The following CEP72 variants were observed in gnomAD, a reference collection of about 807,000 sequenced individuals.
The protein encoded by CEP72 is centrosomal protein of 72 kDa.
CEP72 carries 78 observed loss-of-function variants against 65.7 expected under a neutral mutation model. The observed-to-expected ratio is 1.19, with a 90% CI of 0.99 to 1.43. CEP72 has a LOEUF of 1.43. Ranked by LOEUF, CEP72 falls within the 40% of genes most tolerant of loss-of-function variation. The pLI, the probability that CEP72 is intolerant of heterozygous loss-of-function variation, is 0.00. For missense variants in CEP72, 914 were observed against 832.9 expected, an observed-to-expected ratio of 1.10 and a Z score of -1.20; for synonymous variants, 358 against 351.7, an observed-to-expected ratio of 1.02 and a Z score of -0.20.
intron 1 of CEP72, among the ~76,000 whole-genome samples, chr5:614,474 A>C (rs1180412099): frequency 9.1e-6 from 1 of 109,820 alleles, no homozygotes; most frequent in Non-Finnish European, 1.7e-5. Flanking sequence ...TTTGAGGTGG[A>C]GTCTCGCTCT....
intron 4 of CEP72, among the ~76,000 whole-genome samples, chr5:633,210 C>T (rs1283054349): frequency 1.0e-5 from 1 of 99,394 alleles, no homozygotes; most frequent in African/African-American, 5.1e-5. Context: ...TTAGACCAGT[C>T]CTGGTGGGGT....
chr5:637,368 G>T, intron 6 of CEP72, 149 bp from the exon 7 acceptor site: 1 of 673,464 alleles, frequency 1.5e-6, no homozygotes, highest in Non-Finnish European at 2.6e-6. Context: ...GTATGCACGT[G>T]GATAGGTGTG....
chr5:655,091 G>C (rs142940033), downstream of CEP72, among the ~76,000 whole-genome samples: 1 of 152,166 alleles, frequency 6.6e-6, no homozygotes, highest in East Asian at 1.9e-4. The surrounding 1 kb of genome is among the most constrained non-coding windows in gnomAD (Gnocchi z 5.0). Flanking sequence ...GCTAGGCGGG[G>C]TGGCTCACAC....
chr5:646,530 C>T (rs1286220653), intron 10 of CEP72, among the ~76,000 whole-genome samples: 1 of 152,120 alleles, frequency 6.6e-6, no homozygotes, highest in Non-Finnish European at 1.5e-5. Flanking sequence ...AGGCCCTGTT[C>T]TCTCCTCCAC....
intron 4 of CEP72, among the ~76,000 whole-genome samples, chr5:666,491 C>T (rs1739920919): frequency 6.6e-6 from 1 of 152,206 alleles, no homozygotes; most frequent in Non-Finnish European, 1.5e-5. Context: ...CTGCTGGGGC[C>T]CCGGCTCTGC....
chr5:668,645 CT>C (rs1468343416), downstream of CEP72, among the ~76,000 whole-genome samples: 1 of 152,270 alleles, frequency 6.6e-6, no homozygotes, highest in African/African-American at 2.4e-5. Flanking sequence ...TGGACAGCTT[CT>C]CATCACAGCC....
At chr5:659,574 C>T (rs1739497448), downstream of CEP72, among the ~76,000 whole-genome samples, 1 of 151,076 alleles carries the variant, frequency 6.6e-6, no homozygotes, top group Non-Finnish European at 1.5e-5. Context: ...GTGGTGTTCA[C>T]AGTGTTCATG....
intron 3 of CEP72, 151 bp downstream of exon 3, chr5:620,412 G>A: frequency 1.5e-6 from 1 of 682,104 alleles, no homozygotes; most frequent in Non-Finnish European, 2.5e-6. Flanking sequence ...TTGAGTTCCT[G>A]CAGACACACA....
At chr5:666,619 C>T (rs1184320299) in intron 4 of CEP72, among the ~76,000 whole-genome samples, 1 of 151,406 alleles carries the variant, frequency 6.6e-6, no homozygotes, top group Non-Finnish European at 1.5e-5. Context: ...GATGCCCTGG[C>T]TCCAAAACCC....
At chr5:617,159 A>G (rs1401001936) in intron 1 of CEP72, among the ~76,000 whole-genome samples, 1 of 152,130 alleles carries the variant, frequency 6.6e-6, no homozygotes, top group Non-Finnish European at 1.5e-5. Context: ...GTAAATAAGC[A>G]TAAACAAAAC....
intron 11 of CEP72, among the ~76,000 whole-genome samples, chr5:650,213 T>C (rs1490937894): frequency 2.1e-5 from 2 of 94,114 alleles, no homozygotes; most frequent in South Asian, 3.5e-4. Context: ...GACTGTGAGG[T>C]GTGACTGTGA....
chr5:617,819 C>T (rs73734330), intron 1 of CEP72, among the ~76,000 whole-genome samples: 4,002 of 152,226 alleles, frequency 0.026, 68 homozygotes, highest in African/African-American at 0.041. Context: ...GAGCCGAGAT[C>T]GCACCACGGT....
Position 637,566 on chromosome 5 carries a change from A to C in CEP72, c.954A>C (p.Ser318=). 1 of 1,614,072 alleles carries C rather than the reference A, an allele frequency of 6.2e-7. No individual in the cohort carries two copies. The highest frequency in any genetic ancestry group is 2.2e-5 in the East Asian group (1 of 44,886). The change falls in exon 7 of 12, where the codon TCA becomes TCC. Residue 318 remains serine (S), a synonymous_variant. Coordinates refer to ENST00000264935, the MANE Select transcript of CEP72 (RefSeq NM_018140.4). ...DSASSQKLDL[S]GEMVPGPLPA... ...CCTCTTCTCAGAAGTTGGATTTGTCAGGAGAAATGGTGCCTGGTCCCCTGC... is the reference window on the plus strand; with the variant it reads ...CCTCTTCTCAGAAGTTGGATTTGTCCGGAGAAATGGTGCCTGGTCCCCTGC...
At chr5:648,709 C>T (rs1187941927) in intron 11 of CEP72, among the ~76,000 whole-genome samples, 14 of 89,206 alleles carry the variant, frequency 1.6e-4, no homozygotes, top group African/African-American at 5.9e-4. Flanking sequence ...GAATGTGAGG[C>T]GTGACTGTGA....
At chr5:648,168 G>A (rs949989160) in intron 11 of CEP72, among the ~76,000 whole-genome samples, 3 of 152,242 alleles carry the variant, frequency 2.0e-5, no homozygotes, top group African/African-American at 7.2e-5. Context: ...GTGTGGATGT[G>A]AGGTCTGACC....
In CEP72 at chr5:642,926, C is replaced by T. The variant is rs146075644; in HGVS notation, c.1540-1373C>T. On this transcript the variant is annotated intron_variant, in intron 9 of 11. Coordinates refer to ENST00000264935, the MANE Select transcript of CEP72 (RefSeq NM_018140.4). ...CCTTGCTTCCTTTGGAAGCTGCAGT[C>T]GGGTGTCCTGAGGCAAGGTGGCCCC... The T allele has an allele frequency of 3.8e-4, 370 of 985,478 alleles. 1 individual carries two copies. In the African/African-American group the frequency reaches 5.6e-3, roughly 15 times the overall value. 61.0% of individuals were successfully genotyped at this position (985,478 alleles called of 1,614,324 possible). A position where few individuals can be genotyped will look rare whatever the true frequency, so the allele number is the denominator to read the frequency against.
rs770819593 is a variant in CEP72 at position 647,868 on chromosome 5, A to G, written c.1730A>G (p.His577Arg). ...GTGGAACTGAAGCAGCACCTGGAGC[A>G]CTACGACAAGATCCAGGAGCTCACG... ...EIVELKQHLE[H>R]YDKIQELTQM... Residue 577 changes from histidine (H) to arginine (R), a missense_variant, in exon 11 of 12, where the codon CAC (histidine) becomes CGC (arginine). Transcript: ENST00000264935. 2 of 1,612,634 alleles carry G rather than the reference A, an allele frequency of 1.2e-6. No individual in the cohort carries two copies. Among genetic ancestry groups the G allele is most frequent in the African/African-American group, 2.7e-5 (2 of 74,904 alleles).
intron 9 of CEP72, chr5:641,155 A>C (rs1309824942): frequency 1.0e-6 from 1 of 984,680 alleles, no homozygotes; most frequent in Non-Finnish European, 1.2e-6. Flanking sequence ...CTGAGGCCTC[A>C]TGGGGGCTCT....
intron 9 of CEP72, chr5:641,463 A>G: frequency 2.0e-6 from 2 of 985,410 alleles, no homozygotes; most frequent in Non-Finnish European, 2.4e-6. Context: ...ACAAGTACAT[A>G]CTGTCCGTTT....
Sources: gnomAD v4.1 joint callset for allele counts (sites outside exome capture counted in the v4.1 genomes callset) on GRCh38, gnomAD v4.1.1 for gene constraint, Gnocchi (gnomAD v3.1) non-coding constraint, MANE v1.5 for transcripts, NCBI Gene and HGNC (gene_info 2026-07-23, HGNC 2026-07-21) for gene names.